Variants in DENND1A observed in about 807,000 individuals in gnomAD.
DENND1A encodes the protein DENN domain-containing protein 1A.
In DENND1A, 51 loss-of-function variants were observed where a neutral mutation model predicts 113.7. The ratio of observed to expected loss-of-function variants is 0.45; its 90% CI spans 0.36 to 0.57. The LOEUF (loss-of-function observed/expected upper bound fraction) is 0.57. DENND1A is among the 20% of genes least tolerant of loss of function. The pLI, the probability that DENND1A is intolerant of heterozygous loss-of-function variation, is 0.00. For synonymous variants in DENND1A, 565 were observed against 570.8 expected (o/e 0.99, Z 0.14); for missense variants, 1,258 against 1,395.9 (o/e 0.90, Z 1.57).
intron 2 of DENND1A, among the ~76,000 whole-genome samples, chr9:123,874,461 G>C (rs572258583): frequency 6.6e-6 from 1 of 152,200 alleles, no homozygotes; most frequent in Admixed American, 6.5e-5. Context: ...CTTTATAAAA[G>C]ATATTCACGA....
intron 2 of DENND1A, among the ~76,000 whole-genome samples, chr9:123,837,659 G>T (rs1841236941): frequency 6.6e-6 from 1 of 152,060 alleles, no homozygotes; most frequent in Admixed American, 6.6e-5. Context: ...CAATTTGGGA[G>T]CCCTGACTCT....
chr9:123,481,148 C>A (rs936564385), intron 13 of DENND1A, among the ~76,000 whole-genome samples: 1 of 152,162 alleles, frequency 6.6e-6, no homozygotes, highest in African/African-American at 2.4e-5. Context: ...TGCAGAGAAG[C>A]GCCTCTTTTG....
chr9:123,755,328 G>A (rs142954234), intron 5 of DENND1A, among the ~76,000 whole-genome samples: 1 of 150,688 alleles, frequency 6.6e-6, no homozygotes, highest in African/African-American at 2.4e-5. Flanking sequence ...TTTTTCAGTA[G>A]AGATGGGGTT....
intron 2 of DENND1A, among the ~76,000 whole-genome samples, chr9:123,839,675 T>C (rs932887890): frequency 3.3e-5 from 5 of 152,218 alleles, no homozygotes; most frequent in South Asian, 2.1e-4. Flanking sequence ...ACAGTTCATA[T>C]TGTTCTTTTA....
rs774024883 is a variant in DENND1A, at chr9:123,557,688, G to A, written c.875C>T (p.Ser292Phe). 3.1e-6 allele frequency: 5 copies of A among 1,613,708 alleles called. No homozygotes were observed. The South Asian group carries it at 5.5e-5, about 18-fold the overall frequency. Reference protein sequence around the residue: ...LQSLPNDVISSLKNRLKKVST... With the variant: ...LQSLPNDVISFLKNRLKKVST... ...GACCTTTTTCAGCCTGTTCTTCAGG[G>A]AAGAGATCTGGTGATGGAGAGAAGG... Residue 292 changes from serine to phenylalanine, a missense_variant, in exon 13 of 24, where the codon TCC (serine) becomes TTC (phenylalanine). Coordinates refer to ENST00000394215, the MANE Select transcript of DENND1A (RefSeq NM_001352964.2).
chr9:123,825,279 A>G (rs147010559), intron 2 of DENND1A, among the ~76,000 whole-genome samples: 1 of 151,876 alleles, frequency 6.6e-6, no homozygotes, highest in Non-Finnish European at 1.5e-5. Flanking sequence ...CGTGTTCCCA[A>G]TGCTCCTGGG....
At chr9:123,558,662 T>C (rs146703370) in intron 12 of DENND1A, among the ~76,000 whole-genome samples, 1 of 152,122 alleles carries the variant, frequency 6.6e-6, no homozygotes, top group African/African-American at 2.4e-5. Context: ...AAGTGAGACA[T>C]AAAAAACAAT....
At chr9:123,911,590 C>A (rs1365916866) in intron 1 of DENND1A, among the ~76,000 whole-genome samples, 1 of 152,118 alleles carries the variant, frequency 6.6e-6, no homozygotes, top group Non-Finnish European at 1.5e-5. Context: ...CAATGTAGAG[C>A]AGAAGAAGCC....
At chr9:123,475,934 A>T (rs1470043398) in intron 13 of DENND1A, among the ~76,000 whole-genome samples, 1 of 152,220 alleles carries the variant, frequency 6.6e-6, no homozygotes, top group Non-Finnish European at 1.5e-5. Context: ...CTGGAATCCC[A>T]GCACTTTGGG....
intron 21 of DENND1A, among the ~76,000 whole-genome samples, chr9:123,395,494 G>GTGTGTGTGTGTGTA (rs1554796102): frequency 6.8e-6 from 1 of 147,938 alleles, no homozygotes; most frequent in East Asian, 2.2e-4. Flanking sequence ...GTGTGTGTGT[G>GTGTGTGTGTGTGTA]ACAGAGAGAG....
intron 13 of DENND1A, among the ~76,000 whole-genome samples, chr9:123,521,083 T>C (rs1421410851): frequency 2.0e-5 from 3 of 152,192 alleles, no homozygotes; most frequent in South Asian, 2.1e-4. Flanking sequence ...GTTCTTATTG[T>C]AAACACAGAT....
At chr9:123,699,448 G>A (rs1003902629) in intron 5 of DENND1A, among the ~76,000 whole-genome samples, 13 of 151,892 alleles carry the variant, frequency 8.6e-5, no homozygotes, top group African/African-American at 3.1e-4. Flanking sequence ...TCTATCTTTG[G>A]ATGATGAAAT....
chr9:123,624,179 C>A (rs1356711535), intron 10 of DENND1A, among the ~76,000 whole-genome samples: 2 of 152,210 alleles, frequency 1.3e-5, no homozygotes, highest in Non-Finnish European at 2.9e-5. Context: ...TGGGGACATA[C>A]TTAACATTTA....
At chr9:123,434,330 C>T (rs971516388) in intron 19 of DENND1A, among the ~76,000 whole-genome samples, 1 of 152,226 alleles carries the variant, frequency 6.6e-6, no homozygotes, top group Non-Finnish European at 1.5e-5. Flanking sequence ...CCCGGCCTCA[C>T]TTCAAAATCC....
intron 2 of DENND1A, among the ~76,000 whole-genome samples, chr9:123,845,670 C>CAAAAAAAAAAAAAAAAAAAAAAAA (rs555731367): frequency 2.3e-4 from 10 of 44,092 alleles, no homozygotes; most frequent in African/African-American, 6.2e-4. Context: ...AACCTGTCTC[C>CAAAAAAAAAAAAAAAAAAAAAAAA]AAAAAAAAAA....
intron 1 of DENND1A, among the ~76,000 whole-genome samples, chr9:123,897,959 A>G (rs908184859): frequency 6.6e-6 from 1 of 151,936 alleles, no homozygotes; most frequent in African/African-American, 2.4e-5. Context: ...AAAAAAAAAA[A>G]AAAGGTCCAC....
intron 13 of DENND1A, among the ~76,000 whole-genome samples, chr9:123,545,846 G>A (rs1044271281): frequency 1.3e-5 from 2 of 152,096 alleles, no homozygotes; most frequent in African/African-American, 4.8e-5. Flanking sequence ...GCTGCAAATT[G>A]TCAAATGTTA....
At chr9:123,493,521 T>A (rs1337908015) in intron 13 of DENND1A, among the ~76,000 whole-genome samples, 4 of 152,180 alleles carry the variant, frequency 2.6e-5, no homozygotes. Context: ...CAGAAATGCC[T>A]GCTCCATTGC....
intron 5 of DENND1A, among the ~76,000 whole-genome samples, chr9:123,715,756 G>A (rs574127168): frequency 1.1e-4 from 16 of 151,894 alleles, no homozygotes; most frequent in African/African-American, 3.1e-4. Context: ...TACAACCTCC[G>A]CTCACTGCAG....
Sources: allele counts gnomAD v4.1 joint callset (sites outside exome capture counted in the v4.1 genomes callset), GRCh38; gene constraint gnomAD v4.1.1; transcripts MANE v1.5; gene names NCBI Gene and HGNC (gene_info 2026-07-23, HGNC 2026-07-21).